Variants in PIGN observed in about 807,000 individuals in gnomAD.
The protein encoded by PIGN is GPI ethanolamine phosphate transferase 1.
Under a neutral mutation model 125.4 loss-of-function variants are expected in PIGN, and 117 were observed. That is an observed-to-expected ratio of 0.93 (90% CI 0.80 to 1.09). The LOEUF (loss-of-function observed/expected upper bound fraction) is 1.09, where lower values mean the gene tolerates loss of function less well. PIGN is among the 50% of genes least tolerant of loss of function. PIGN has a pLI of 0.00. For synonymous variants in PIGN, 392 were observed against 377.8 expected (o/e 1.04, Z -0.44); for missense variants, 1,075 against 1,094.9 (o/e 0.98, Z 0.26).
At chr18:62,090,239 T>G (rs1197142310) in intron 24 of PIGN, among the ~76,000 whole-genome samples, 1 of 152,168 alleles carries the variant, frequency 6.6e-6, no homozygotes, top group African/African-American at 2.4e-5. Context: ...TCAATGATCC[T>G]CAAGTAATCA....
chr18:62,087,270 T>C (rs1286615744), intron 25 of PIGN, among the ~76,000 whole-genome samples: 1 of 152,194 alleles, frequency 6.6e-6, no homozygotes, highest in Non-Finnish European at 1.5e-5. Flanking sequence ...AAACTTGTAC[T>C]GTGTACTGGA....
intron 23 of PIGN, among the ~76,000 whole-genome samples, chr18:62,030,558 C>T (rs1599376434): frequency 6.6e-6 from 1 of 152,248 alleles, no homozygotes; most frequent in East Asian, 1.9e-4. Flanking sequence ...CAGGAATGTT[C>T]CAGAAAAGCC....
chr18:62,136,962 T>C (rs1243921063), intron 14 of PIGN: 6 of 395,504 alleles, frequency 1.5e-5, no homozygotes, highest in African/African-American at 8.2e-5. Context: ...TGATGGTTAA[T>C]ATTGAGTGTC....
At chr18:62,085,965 G>A (rs1025981586) in intron 25 of PIGN, among the ~76,000 whole-genome samples, 1 of 152,178 alleles carries the variant, frequency 6.6e-6, no homozygotes, top group Admixed American at 6.5e-5. Context: ...GAGGAAGTAC[G>A]AATCATGACA....
At chr18:62,090,839 GAC>G (rs145574130) in intron 23 of PIGN, among the ~76,000 whole-genome samples, 32 of 152,126 alleles carry the variant, frequency 2.1e-4, no homozygotes, top group African/African-American at 7.7e-4. Context: ...TAAAGCAAAT[GAC>G]AGATATACAT....
At chr18:62,086,610 C>T (rs958057483) in intron 25 of PIGN, among the ~76,000 whole-genome samples, 14 of 121,340 alleles carry the variant, frequency 1.2e-4, no homozygotes, top group African/African-American at 2.8e-4. Context: ...AGTAAGACTC[C>T]GTTTTTTGTT....
chr18:62,138,579 T>C (rs967156114), intron 13 of PIGN, among the ~76,000 whole-genome samples: 1 of 152,234 alleles, frequency 6.6e-6, no homozygotes, highest in Non-Finnish European at 1.5e-5. Flanking sequence ...AAACCGCTTA[T>C]TCTTAAAAGC....
intron 21 of PIGN, among the ~76,000 whole-genome samples, chr18:62,102,162 G>T (rs1253180740): frequency 6.6e-6 from 1 of 151,390 alleles, no homozygotes; most frequent in East Asian, 2.0e-4. Context: ...GGAAGGCAGG[G>T]GTTGCATTGA....
Position 62,031,809 on chromosome 18 carries a change from TC to T in PIGN, c.2143-14069del, listed in dbSNP as rs1282374976. On this transcript the variant is annotated intron_variant, in intron 23 of 24. Transcript: ENST00000639600. Reference sequence around the variant, plus strand: ...CAATCAGAGAAGTGAAAAATTTACCTCCCCAAGTGTACTCATTTCCTGTGGC... The same window carrying T: ...CAATCAGAGAAGTGAAAAATTTACCTCCCAAGTGTACTCATTTCCTGTGGC... 3.9e-5 allele frequency among the ~76,000 whole-genome samples: 6 copies of T among 152,132 alleles called. No homozygotes were observed. In the East Asian group the frequency reaches 9.6e-4, roughly 24 times the overall value.
chr18:62,162,817 G>A (rs1462879820), intron 2 of PIGN, among the ~76,000 whole-genome samples: 4 of 151,904 alleles, frequency 2.6e-5, no homozygotes, highest in African/African-American at 9.7e-5. Flanking sequence ...AATAATCACT[G>A]TCCTTAATTT....
rs1281031466 is a variant in PIGN at position 62,061,537 on chromosome 18, AAT to A, written c.2672+11134_2672+11135del. Among the ~76,000 whole-genome samples, 151 of 76,118 alleles carry A rather than the reference AAT, an allele frequency of 2.0e-3. 6 individuals are homozygous for A. Among genetic ancestry groups the A allele is most frequent in the Non-Finnish European group, 3.7e-3 (117 of 31,386 alleles). The allele number at this position is 76,118 out of a possible 152,430, so 49.9% of individuals were successfully genotyped here. On this transcript the variant is annotated intron_variant, in intron 30 of 30. Transcript: ENST00000640252. ...AAAAAAAAAAAAAAAAAAAAAAAAA[AAT>A]GCAATAAAATAGTGAGGACAAAAGG...
chr18:62,073,420 T>G (rs28673729), intron 29 of PIGN, among the ~76,000 whole-genome samples: 13,101 of 151,916 alleles, frequency 0.086, 1,869 homozygotes, highest in African/African-American at 0.3. Context: ...CAGAGAGAGC[T>G]TGGTAGTGTC....
rs774497820 is a variant in PIGN at position 62,095,828 on chromosome 18, A to T, written c.2180+20T>A. 1.3e-5 allele frequency: 18 copies of T among 1,372,356 alleles called. No individual in the cohort carries two copies. The highest frequency in any genetic ancestry group is 3.4e-5 in the Admixed American group (2 of 58,928). The allele number at this position is 1,372,356 out of a possible 1,614,324, so 85.0% of individuals were successfully genotyped here. A position where few individuals can be genotyped will look rare whatever the true frequency, so the allele number is the denominator to read the frequency against. On this transcript the variant is annotated intron_variant, in intron 23 of 30. Coordinates refer to ENST00000640252, the MANE Select transcript of PIGN (RefSeq NM_176787.5). ...TTTAAAACTTGCTGCTATAAAATTA[A>T]ATTGTTAAAAAGTTTATACCCTGTG...
intron 30 of PIGN, chr18:62,051,999 T>C (rs2031339265): frequency 6.6e-6 from 1 of 152,238 alleles, no homozygotes; most frequent in Non-Finnish European, 1.5e-5. Context: ...AGTTTCCATG[T>C]AGTTGAGTGG....
intron 17 of PIGN, among the ~76,000 whole-genome samples, chr18:62,108,324 T>C (rs2034733298): frequency 6.6e-6 from 1 of 152,106 alleles, no homozygotes. Context: ...AATTTAAATA[T>C]ATATGTTTTC....
At chr18:62,067,131 C>T (rs1213069837) in intron 30 of PIGN, among the ~76,000 whole-genome samples, 2 of 152,138 alleles carry the variant, frequency 1.3e-5, no homozygotes, top group Admixed American at 6.5e-5. Flanking sequence ...TCACTTTTTA[C>T]AGCAACCACT....
At chr18:62,186,485 A>T (rs1299858245) in intron 1 of PIGN, among the ~76,000 whole-genome samples, 1 of 152,134 alleles carries the variant, frequency 6.6e-6, no homozygotes, top group African/African-American at 2.4e-5. Context: ...AGTACCTAAC[A>T]ATTTGTTTTC....
intron 7 of PIGN, 64 bp downstream of exon 7, chr18:62,154,481 T>C (rs762516105): frequency 1.3e-6 from 1 of 779,204 alleles, no homozygotes; most frequent in East Asian, 2.5e-5. Flanking sequence ...AAACGTGGGA[T>C]ACAGTCTCCA....
intron 14 of PIGN, among the ~76,000 whole-genome samples, chr18:62,127,550 C>CCG (rs2035579284): frequency 6.6e-6 from 1 of 152,098 alleles, no homozygotes; most frequent in South Asian, 2.1e-4. Flanking sequence ...AATGAGCGAA[C>CCG]ACTGATAAAT....
Sources: gnomAD v4.1 joint callset for allele counts (sites outside exome capture counted in the v4.1 genomes callset) on GRCh38, gnomAD v4.1.1 for gene constraint, MANE v1.5 for transcripts, NCBI Gene and HGNC (gene_info 2026-07-23, HGNC 2026-07-21) for gene names.